SPPL2A: variants seen among roughly 807,000 people sequenced by gnomAD.
SPPL2A encodes the protein signal peptide peptidase like 2A, also known as signal peptide peptidase-like 2A.
In SPPL2A, 51 loss-of-function variants were observed where a neutral mutation model predicts 63.8. That is an observed-to-expected ratio of 0.80 (90% CI 0.64 to 1.01). SPPL2A has a LOEUF of 1.01. Ranked by LOEUF, SPPL2A falls within the 50% of genes least tolerant of loss-of-function variation. The pLI, the probability that SPPL2A is intolerant of heterozygous loss-of-function variation, is 0.00. For synonymous variants in SPPL2A, 188 were observed against 205.8 expected (o/e 0.91, Z 0.74); for missense variants, 553 against 622.7 (o/e 0.89, Z 1.19).
At chr15:50,762,916 T>A (rs2063025165) in intron 1 of SPPL2A, among the ~76,000 whole-genome samples, 1 of 147,376 alleles carries the variant, frequency 6.8e-6, no homozygotes, top group Non-Finnish European at 1.5e-5. Context: ...TTTTTTTGTA[T>A]TTTTTTTTAG....
intron 1 of SPPL2A, among the ~76,000 whole-genome samples, chr15:50,762,959 G>A (rs939093370): frequency 1.3e-5 from 2 of 149,322 alleles, no homozygotes; most frequent in African/African-American, 4.9e-5. Context: ...TGGCCAGGCT[G>A]GTCTCAAACT....
At position 50,736,907 on chromosome 15, in the gene SPPL2A, G is replaced by GTTTTTTTTT. The variant is rs35812835; in HGVS notation, c.734-168_734-167insAAAAAAAAA. ...ACTAAGCTGAAATTTAGATCGTGAGGTTTTTTGTTTTTTTTTCTGAGAGTC... is the reference window on the plus strand; with the variant it reads ...ACTAAGCTGAAATTTAGATCGTGAGGTTTTTTTTTTTTTTTGTTTTTTTTTCTGAGAGTC... On this transcript the variant is annotated intron_variant, in intron 6 of 14. Transcript: ENST00000261854. Among the ~76,000 whole-genome samples, 4 of 150,506 alleles carry GTTTTTTTTT rather than the reference G, an allele frequency of 2.7e-5. 1 individual carries two copies. The highest frequency in any genetic ancestry group is 4.4e-5 in the Non-Finnish European group (3 of 67,576).
In SPPL2A at chr15:50,765,629, G is replaced by A. The variant is rs922473986; in HGVS notation, c.-96C>T. ...CGCCGCTGCGCTGCCTCCGTGGCCG[G>A]ACCGGACCGGACAGGCGCGGGCGGC... On this transcript the variant is annotated 5_prime_UTR_variant, in exon 1 of 15. Coordinates refer to ENST00000261854, the MANE Select transcript of SPPL2A (RefSeq NM_032802.4). The A allele has an allele frequency of 3.6e-6, 3 of 843,678 alleles. No individual in the cohort carries two copies. The highest frequency in any genetic ancestry group is 3.4e-5 in the East Asian group (1 of 29,592). 52.3% of individuals were successfully genotyped at this position (843,678 alleles called of 1,614,324 possible).
chr15:50,752,382 G>A (rs2062915924), intron 1 of SPPL2A, among the ~76,000 whole-genome samples: 1 of 151,818 alleles, frequency 6.6e-6, no homozygotes, highest in South Asian at 2.1e-4. Flanking sequence ...AGGAGTTCGA[G>A]ATCAGCATGG....
At chr15:50,750,857 G>T (rs1306891460) in intron 1 of SPPL2A, among the ~76,000 whole-genome samples, 2 of 152,220 alleles carry the variant, frequency 1.3e-5, no homozygotes, top group Non-Finnish European at 2.9e-5. Context: ...GAAGGAAAAA[G>T]AAAGAATGCT....
intron 6 of SPPL2A, among the ~76,000 whole-genome samples, chr15:50,737,139 C>T (rs1028004744): frequency 2.0e-5 from 3 of 151,742 alleles, no homozygotes; most frequent in African/African-American, 7.3e-5. Flanking sequence ...CTCAAAGTCC[C>T]GACCTCAGGT....
chr15:50,711,323 C>G (rs1314124664), intron 14 of SPPL2A, among the ~76,000 whole-genome samples: 4 of 151,942 alleles, frequency 2.6e-5, no homozygotes, highest in African/African-American at 7.2e-5. Context: ...AATTCTCCCC[C>G]CTCAGCCTCC....
intron 5 of SPPL2A, among the ~76,000 whole-genome samples, chr15:50,745,551 T>G (rs1017580327): frequency 7.8e-6 from 1 of 127,404 alleles, no homozygotes; most frequent in African/African-American, 4.5e-5. Context: ...AGCTGGCCTT[T>G]TTTTTTTTTT....
At chr15:50,736,762 A>AT (rs1555443082) in intron 6 of SPPL2A, 22 bp from the exon 7 acceptor site, 1 of 1,178,382 alleles carries the variant, frequency 8.5e-7, no homozygotes, top group Non-Finnish European at 1.3e-6. Context: ...AAAACACTAA[A>AT]TTACATGAGA....
At chr15:50,730,931 T>A (rs1011813278) in intron 10 of SPPL2A, 34 bp downstream of exon 10, 2 of 850,680 alleles carry the variant, frequency 2.4e-6, no homozygotes, top group Non-Finnish European at 2.0e-6. Flanking sequence ...TTTTTTAGCA[T>A]GTTTCTTCAC....
intron 10 of SPPL2A, among the ~76,000 whole-genome samples, chr15:50,729,061 G>T (rs1490878831): frequency 6.6e-6 from 1 of 151,482 alleles, no homozygotes; most frequent in Non-Finnish European, 1.5e-5. Context: ...TGATCCACCC[G>T]CCTTGGCCTC....
intron 6 of SPPL2A, among the ~76,000 whole-genome samples, chr15:50,737,466 T>C (rs1265443152): frequency 6.6e-6 from 1 of 152,194 alleles, no homozygotes. Flanking sequence ...ATGAGTTTTT[T>C]TTTTGAGATG....
At chr15:50,744,398 T>A (rs549469195) in intron 5 of SPPL2A, among the ~76,000 whole-genome samples, 6 of 152,300 alleles carry the variant, frequency 3.9e-5, no homozygotes, top group Admixed American at 1.3e-4. Flanking sequence ...AACCTTAGCT[T>A]CATTTAGTTA....
intron 6 of SPPL2A, among the ~76,000 whole-genome samples, 167 bp from the exon 7 acceptor site, chr15:50,736,907 G>GTTTTTTTTTTTT (rs35812835): frequency 2.0e-5 from 3 of 150,506 alleles, no homozygotes; most frequent in Non-Finnish European, 1.5e-5. Context: ...AGATCGTGAG[G>GTTTTTTTTTTTT]TTTTTTGTTT....
chr15:50,733,816 G>GA (rs994899698), intron 8 of SPPL2A, among the ~76,000 whole-genome samples: 5 of 144,430 alleles, frequency 3.5e-5, no homozygotes, highest in African/African-American at 7.6e-5. Flanking sequence ...CAACTCAATA[G>GA]AAAAAAAAAA....
At chr15:50,725,136 G>A (rs1364636123) in intron 12 of SPPL2A, 85 bp downstream of exon 12, 2 of 832,042 alleles carry the variant, frequency 2.4e-6, no homozygotes, top group African/African-American at 1.7e-5. Context: ...ATACAGAGTA[G>A]GTAACTTTTA....
In SPPL2A at chr15:50,747,646, A is replaced by C; in HGVS notation, c.451-18T>G. 6.3e-7 allele frequency: 1 copy of C among 1,579,082 alleles called. No homozygotes were observed. Among genetic ancestry groups the C allele is most frequent in the East Asian group, 2.2e-5 (1 of 44,650 alleles). On this transcript the variant is annotated intron_variant, in intron 4 of 14. Coordinates refer to ENST00000261854, the MANE Select transcript of SPPL2A (RefSeq NM_032802.4). ...CCTAGAGTCTGAAAGGCAAAATAAC[A>C]GTTAAACACAGGAATAACTTTTCTT...
intron 8 of SPPL2A, 132 bp from the exon 9 acceptor site, chr15:50,732,816 T>TCTC: frequency 1.7e-6 from 1 of 603,904 alleles, no homozygotes; most frequent in East Asian, 3.0e-5. Context: ...TAAGACAGAT[T>TCTC]CTCACTCTGT....
intron 14 of SPPL2A, among the ~76,000 whole-genome samples, chr15:50,716,116 A>G (rs1376303997): frequency 2.6e-5 from 4 of 152,198 alleles, no homozygotes; most frequent in Non-Finnish European, 5.9e-5. Context: ...TCTAGGTAGT[A>G]GGATTATGGG....
Sources: allele counts gnomAD v4.1 joint callset (sites outside exome capture counted in the v4.1 genomes callset), GRCh38; gene constraint gnomAD v4.1.1; transcripts MANE v1.5; gene names NCBI Gene and HGNC (gene_info 2026-07-23, HGNC 2026-07-21).